Variants in RANBP17 observed in about 807,000 individuals in gnomAD.
RANBP17 encodes the protein ran-binding protein 17.
In RANBP17, 158 loss-of-function variants were observed where a neutral mutation model predicts 141.2. The observed-to-expected ratio is 1.12, with a 90% CI of 0.98 to 1.28. The LOEUF is 1.28. RANBP17 is among the 50% of genes most tolerant of loss of function. RANBP17 has a pLI of 0.00. For synonymous variants in RANBP17, 430 were observed against 450.0 expected (o/e 0.96, Z 0.56); for missense variants, 1,438 against 1,290.7 (o/e 1.11, Z -1.75).
intron 14 of RANBP17, among the ~76,000 whole-genome samples, chr5:170,982,625 T>C (rs1777853017): frequency 6.6e-6 from 1 of 151,880 alleles, no homozygotes; most frequent in Admixed American, 6.6e-5. Flanking sequence ...AAATAGAGAA[T>C]CCAGGAGGTC....
intron 25 of RANBP17, among the ~76,000 whole-genome samples, chr5:171,266,172 C>T (rs1283576805): frequency 6.6e-6 from 1 of 152,112 alleles, no homozygotes; most frequent in Non-Finnish European, 1.5e-5. Flanking sequence ...CTCCTGGTGA[C>T]TCTGATAATG....
At chr5:171,115,924 G>A (rs1350451287) in intron 14 of RANBP17, among the ~76,000 whole-genome samples, 1 of 152,136 alleles carries the variant, frequency 6.6e-6, no homozygotes, top group Non-Finnish European at 1.5e-5. Flanking sequence ...AACCTAGAAC[G>A]GTATCTGAGT....
intron 14 of RANBP17, among the ~76,000 whole-genome samples, chr5:171,134,013 A>T (rs1370843115): frequency 6.6e-6 from 1 of 152,204 alleles, no homozygotes; most frequent in Non-Finnish European, 1.5e-5. Context: ...ATTGATGTTA[A>T]CCCTACCTCA....
At chr5:171,199,157 G>A (rs561548301) in intron 18 of RANBP17, among the ~76,000 whole-genome samples, 27 of 152,070 alleles carry the variant, frequency 1.8e-4, no homozygotes, top group Non-Finnish European at 3.5e-4. Context: ...ACCCATAAGG[G>A]ACCCCATCCT....
intron 14 of RANBP17, among the ~76,000 whole-genome samples, chr5:171,068,454 G>C (rs1205902608): frequency 6.6e-6 from 1 of 151,970 alleles, no homozygotes; most frequent in African/African-American, 2.4e-5. Context: ...TACTTTCCTG[G>C]TTTCTCTGTA....
At chr5:170,961,890 GT>G (rs764465272) in intron 13 of RANBP17, among the ~76,000 whole-genome samples, 2 of 152,096 alleles carry the variant, frequency 1.3e-5, no homozygotes, top group African/African-American at 4.8e-5. Context: ...GTGCTTGATT[GT>G]TTTCTTGAGC....
intron 14 of RANBP17, among the ~76,000 whole-genome samples, chr5:170,970,952 A>G (rs1439273512): frequency 1.3e-5 from 2 of 152,088 alleles, no homozygotes; most frequent in Admixed American, 6.6e-5. Flanking sequence ...CCTGGCATGT[A>G]TGTATTGTTT....
intron 19 of RANBP17, among the ~76,000 whole-genome samples, chr5:171,204,615 T>C (rs1156943887): frequency 6.6e-6 from 1 of 152,178 alleles, no homozygotes; most frequent in Non-Finnish European, 1.5e-5. Flanking sequence ...TTATTTGTGC[T>C]CTTTGTTCCG....
At position 171,075,000 on chromosome 5, in the gene RANBP17, G is replaced by A. The variant is rs891691301; in HGVS notation, c.1711-95130G>A. Among the ~76,000 whole-genome samples, 123 of 152,106 alleles carry A rather than the reference G, an allele frequency of 8.1e-4. 1 individual carries two copies. The highest frequency in any genetic ancestry group is 2.8e-3 in the African/African-American group (117 of 41,416). ...TTTGCAGATAAGAAAACTGAAACTC[G>A]GGGGTTAACCCATTTATGCCGGCGG... On this transcript the variant is annotated intron_variant, in intron 14 of 27. Coordinates refer to ENST00000523189, the MANE Select transcript of RANBP17 (RefSeq NM_022897.5).
At chr5:171,207,692 G>C (rs1477025714) in intron 20 of RANBP17, 4 of 152,130 alleles carry the variant, frequency 2.6e-5, no homozygotes, top group Non-Finnish European at 5.9e-5. Context: ...TAGCAAATCA[G>C]CTTCCTTGGG....
intron 14 of RANBP17, among the ~76,000 whole-genome samples, chr5:171,165,073 A>G (rs1262939132): frequency 6.6e-6 from 1 of 152,244 alleles, no homozygotes. Context: ...AGAAGGGTCA[A>G]TGAAAGGTTG....
chr5:170,960,113 A>C (rs4868049), intron 13 of RANBP17, among the ~76,000 whole-genome samples: 93,094 of 152,030 alleles, frequency 0.61, 29,893 homozygotes, highest in South Asian at 0.89. Context: ...TACTAGAGTA[A>C]GGGAAGGAGT....
Position 171,279,160 on chromosome 5 carries a change from G to A in RANBP17, c.2943+13313G>A, listed in dbSNP as rs141123590. 5.4e-3 allele frequency among the ~76,000 whole-genome samples: 816 copies of A among 152,260 alleles called. 7 individuals carry two copies. Among genetic ancestry groups the A allele is most frequent in the African/African-American group, 0.018 (757 of 41,532 alleles). ...ATCACACTCACTGGACTGGGTGAGG[G>A]CATGGTGTGGTGTGAGTTTGAAATT... is the stretch of plus-strand genomic sequence containing the variant. On this transcript the variant is annotated intron_variant, in intron 25 of 27. Coordinates refer to ENST00000523189, the MANE Select transcript of RANBP17 (RefSeq NM_022897.5).
intron 18 of RANBP17, among the ~76,000 whole-genome samples, chr5:171,193,623 C>G (rs1034389620): frequency 1.3e-5 from 2 of 152,322 alleles, no homozygotes; most frequent in Admixed American, 6.5e-5. Flanking sequence ...CAGCAGGGCT[C>G]TAAGGAAGAA....
At chr5:170,958,971 G>C (rs1052212501) in intron 13 of RANBP17, among the ~76,000 whole-genome samples, 1 of 152,190 alleles carries the variant, frequency 6.6e-6, no homozygotes, top group South Asian at 2.1e-4. Flanking sequence ...TATGTATGCA[G>C]TTGCAATTTT....
At chr5:170,904,319 C>T (rs1770901794) in intron 5 of RANBP17, 1 of 244,402 alleles carries the variant, frequency 4.1e-6, no homozygotes, top group Non-Finnish European at 8.4e-6. Flanking sequence ...TCACTGTCTA[C>T]AAGTTGAAGG....
chr5:170,978,084 G>A (rs1777512346), intron 14 of RANBP17, among the ~76,000 whole-genome samples: 1 of 151,968 alleles, frequency 6.6e-6, no homozygotes, highest in Non-Finnish European at 1.5e-5. Flanking sequence ...TATCTAAATG[G>A]CCAATATGCA....
chr5:171,004,684 G>A (rs1273149028), intron 14 of RANBP17, among the ~76,000 whole-genome samples: 1 of 152,190 alleles, frequency 6.6e-6, no homozygotes, highest in Non-Finnish European at 1.5e-5. Flanking sequence ...CTGGGAAGGA[G>A]TCAGTCAAGG....
At chr5:171,004,233 C>G (rs181629678) in intron 14 of RANBP17, among the ~76,000 whole-genome samples, 28 of 151,618 alleles carry the variant, frequency 1.8e-4, no homozygotes, top group Non-Finnish European at 4.0e-4. Context: ...CCCATACTTG[C>G]GGGTTAAGGT....
Sources: allele counts gnomAD v4.1 joint callset (sites outside exome capture counted in the v4.1 genomes callset), GRCh38; gene constraint gnomAD v4.1.1; transcripts MANE v1.5; gene names NCBI Gene and HGNC (gene_info 2026-07-23, HGNC 2026-07-21).